The following TMEM131L variants were observed in gnomAD, a reference collection of about 807,000 sequenced individuals.
The protein encoded by TMEM131L is transmembrane protein 131-like.
TMEM131L carries 54 observed loss-of-function variants against 192.2 expected under a neutral mutation model. The ratio of observed to expected loss-of-function variants is 0.28; its 90% CI spans 0.23 to 0.35. TMEM131L has a LOEUF of 0.35. Among genes scored for constraint, TMEM131L ranks in the 10% least tolerant of loss-of-function variants. The pLI is 1.00. For missense variants in TMEM131L, 1,888 were observed against 1,972.9 expected (o/e 0.96, Z 0.82); for synonymous variants, 701 against 704.9 (o/e 0.99, Z 0.09).
rs368261191 is a variant in TMEM131L, at chr4:153,586,163, A to G, written c.1312-46A>G. 4 of 1,331,848 alleles carry G rather than the reference A, an allele frequency of 3.0e-6. No homozygotes were observed. In the African/African-American group the frequency reaches 6.0e-5, roughly 20 times the overall value. The allele number at this position is 1,331,848 out of a possible 1,614,324, so 82.5% of individuals were successfully genotyped here. On this transcript the variant is annotated intron_variant, in intron 13 of 34. Transcript: ENST00000409959. Reference sequence around the variant, plus strand: ...CATACTTTATAATGATTTTAATCATAATTAGTGTTAGGAAAAGTAATTTCT... The same window carrying G: ...CATACTTTATAATGATTTTAATCATGATTAGTGTTAGGAAAAGTAATTTCT...
intron 3 of TMEM131L, among the ~76,000 whole-genome samples, chr4:153,504,389 C>T (rs1368752413): frequency 2.1e-5 from 3 of 140,606 alleles, no homozygotes; most frequent in African/African-American, 8.1e-5. Flanking sequence ...AAGTGGTTGT[C>T]CTGCCTTAGC....
At chr4:153,507,590 C>T (rs907745430) in intron 3 of TMEM131L, among the ~76,000 whole-genome samples, 5 of 152,092 alleles carry the variant, frequency 3.3e-5, no homozygotes, top group East Asian at 3.8e-4. Flanking sequence ...AAAACAAAAA[C>T]GTAAGAACCT....
At chr4:153,594,973 AT>A (rs1731328491) in intron 19 of TMEM131L, among the ~76,000 whole-genome samples, 1 of 152,198 alleles carries the variant, frequency 6.6e-6, no homozygotes, top group Admixed American at 6.5e-5. Context: ...ATGCCCGTTT[AT>A]TTTAAATCTA....
chr4:153,526,594 C>T (rs377712108), intron 3 of TMEM131L, among the ~76,000 whole-genome samples: 17 of 151,992 alleles, frequency 1.1e-4, no homozygotes, highest in African/African-American at 4.1e-4. Context: ...AAAAATTAGC[C>T]GGGCGTGGTG....
rs1734599545 is a variant in TMEM131L at position 153,636,597 on chromosome 4, A to T, written c.*21A>T. ...TGTGAAAATAATTGGATTTTTAAAC[A>T]ATGTGAATAAAGAGGCTTGTGTTTT... On this transcript the variant is annotated 3_prime_UTR_variant, in exon 35 of 35. Coordinates refer to ENST00000409959, the MANE Select transcript of TMEM131L (RefSeq NM_001131007.2). 1 of 1,603,384 alleles carries T rather than the reference A, an allele frequency of 6.2e-7. No homozygotes were observed. The highest frequency in any genetic ancestry group is 1.3e-5 in the African/African-American group (1 of 74,678).
chr4:153,600,603 TAAAC>T (rs1731771565), intron 21 of TMEM131L, among the ~76,000 whole-genome samples: 1 of 152,202 alleles, frequency 6.6e-6, no homozygotes, highest in Non-Finnish European at 1.5e-5. Flanking sequence ...GAAACAGAAA[TAAAC>T]AATGTAAAAT....
At chr4:153,564,277 A>G (rs1729045432) in intron 7 of TMEM131L, among the ~76,000 whole-genome samples, 1 of 139,506 alleles carries the variant, frequency 7.2e-6, no homozygotes, top group African/African-American at 2.9e-5. Flanking sequence ...AGACGAGCAA[A>G]ACTCCGTCTC....
At chr4:153,531,426 T>G (rs185243088) in intron 3 of TMEM131L, among the ~76,000 whole-genome samples, 4 of 152,366 alleles carry the variant, frequency 2.6e-5, no homozygotes, top group Admixed American at 6.5e-5. Flanking sequence ...ATACCTTTTC[T>G]TGGATATAAA....
At chr4:153,496,881 G>T (rs1274829264) in intron 3 of TMEM131L, among the ~76,000 whole-genome samples, 12 of 151,036 alleles carry the variant, frequency 7.9e-5, no homozygotes, top group Admixed American at 1.3e-4. Flanking sequence ...TTGTTTTTGA[G>T]ACAGGGTCTC....
chr4:153,621,983 G>A, intron 28 of TMEM131L, 134 bp downstream of exon 28: 1 of 858,320 alleles, frequency 1.2e-6, no homozygotes, highest in Non-Finnish European at 1.8e-6. Context: ...TAAAGCCCCA[G>A]TGGAAAGCTT....
chr4:153,617,516 T>C (rs1733064496), intron 26 of TMEM131L, among the ~76,000 whole-genome samples: 1 of 152,192 alleles, frequency 6.6e-6, no homozygotes, highest in Non-Finnish European at 1.5e-5. Flanking sequence ...GTGTGATAGG[T>C]GAGCAGTTGT....
chr4:153,569,139 T>A (rs1729416347), intron 7 of TMEM131L, among the ~76,000 whole-genome samples: 1 of 152,230 alleles, frequency 6.6e-6, no homozygotes, highest in South Asian at 2.1e-4. Context: ...AGGCTTGGGA[T>A]AAAAGGACAG....
intron 3 of TMEM131L, among the ~76,000 whole-genome samples, chr4:153,504,958 A>T (rs1733887099): frequency 6.6e-6 from 1 of 152,108 alleles, no homozygotes; most frequent in South Asian, 2.1e-4. Context: ...TGAGCAGAGG[A>T]TGGGTTGGCT....
At chr4:153,496,759 C>T (rs986337051) in intron 3 of TMEM131L, among the ~76,000 whole-genome samples, 1 of 151,804 alleles carries the variant, frequency 6.6e-6, no homozygotes, top group African/African-American at 2.4e-5. Context: ...ACTATGTTGC[C>T]CAGGCTGGTC....
At chr4:153,584,363 A>AT (rs1408386870) in intron 11 of TMEM131L, among the ~76,000 whole-genome samples, 2 of 152,218 alleles carry the variant, frequency 1.3e-5, no homozygotes, top group African/African-American at 4.8e-5. Context: ...TTTAAAAACC[A>AT]TATATATAAC....
chr4:153,576,084 C>T (rs1180799281), intron 7 of TMEM131L, among the ~76,000 whole-genome samples: 1 of 151,938 alleles, frequency 6.6e-6, no homozygotes, highest in African/African-American at 2.4e-5. Flanking sequence ...CTCAGCCTCC[C>T]GAGTAGCTGG....
intron 7 of TMEM131L, among the ~76,000 whole-genome samples, chr4:153,577,292 T>C (rs758297337): frequency 5.3e-5 from 8 of 152,164 alleles, no homozygotes; most frequent in Admixed American, 2.0e-4. Flanking sequence ...GAGAAGTCTT[T>C]GAAGAGTTTT....
rs751489097 is a variant in TMEM131L at position 153,596,305 on chromosome 4, G to A, written c.2043G>A (p.Leu681=). The A allele has an allele frequency of 9.9e-6, 16 of 1,613,916 alleles. No individual in the cohort carries two copies. The highest frequency in any genetic ancestry group is 1.4e-5 in the Non-Finnish European group (16 of 1,179,844). The stretch of plus-strand genomic sequence containing the variant: ...GGTTTGGCATCCTCCACTTACATCT[G>A]CAGCCTTTGGAAATGAAAAGGGTTG... ...ESRFGILHLH[L]QPLEMKRVGV... Residue 681 remains leucine, a synonymous_variant, in exon 20 of 35, where the codon CTG becomes CTA. Transcript: ENST00000409959.
chr4:153,608,752 G>A (rs919711678), intron 25 of TMEM131L, among the ~76,000 whole-genome samples: 10 of 152,188 alleles, frequency 6.6e-5, no homozygotes, highest in Admixed American at 2.6e-4. Flanking sequence ...AACAGACCAC[G>A]TGATTGTGAT....
Sources: allele counts gnomAD v4.1 joint callset (sites outside exome capture counted in the v4.1 genomes callset), GRCh38; gene constraint gnomAD v4.1.1; transcripts MANE v1.5; gene names NCBI Gene and HGNC (gene_info 2026-07-23, HGNC 2026-07-21).